CD2AP: variants seen among roughly 807,000 people sequenced by gnomAD.
The protein encoded by CD2AP is CD2-associated protein.
In CD2AP, 46 loss-of-function variants were observed where a neutral mutation model predicts 85.1. That is an observed-to-expected ratio of 0.54 (90% CI 0.43 to 0.69). The LOEUF (loss-of-function observed/expected upper bound fraction) is 0.69. CD2AP is among the 30% of genes least tolerant of loss of function. CD2AP has a pLI of 0.00. For missense variants in CD2AP, 769 were observed against 729.5 expected (o/e 1.05, Z -0.62); for synonymous variants, 255 against 252.9 (o/e 1.01, Z -0.08).
intron 13 of CD2AP, among the ~76,000 whole-genome samples, chr6:47,600,306 A>G (rs1031402356): frequency 7.2e-5 from 11 of 151,932 alleles, no homozygotes; most frequent in African/African-American, 2.4e-4. Flanking sequence ...TCTTTTAAGA[A>G]ATCTTAATAT....
intron 1 of CD2AP, among the ~76,000 whole-genome samples, chr6:47,480,637 A>G (rs941342546): frequency 6.6e-6 from 1 of 152,232 alleles, no homozygotes; most frequent in African/African-American, 2.4e-5. Flanking sequence ...GGAGGATTGA[A>G]TGAGTTACTA....
Position 47,478,178 on chromosome 6 carries a change from C to T in CD2AP, c.-67C>T. 6.5e-7 allele frequency: 1 copy of T among 1,548,284 alleles called. No homozygotes were observed. Among genetic ancestry groups the T allele is most frequent in the Non-Finnish European group, 8.7e-7 (1 of 1,145,562 alleles). ...CCGCCTCCAGCCGCGGGAGCGGCCG[C>T]GCGAGCCACCACTGGAGGAGGAGGA... On this transcript the variant is annotated 5_prime_UTR_variant, in exon 1 of 18. Coordinates refer to ENST00000359314, the MANE Select transcript of CD2AP (RefSeq NM_012120.3).
At chr6:47,492,347 CTT>C (rs70999626) in intron 1 of CD2AP, among the ~76,000 whole-genome samples, 27 of 95,508 alleles carry the variant, frequency 2.8e-4, no homozygotes, top group African/African-American at 9.0e-4. Context: ...CACCTGTAAT[CTT>C]TTTTTTTTTT....
chr6:47,505,384 T>G lies in CD2AP; in HGVS notation c.165+1944T>G, dbSNP rs554444308. On this transcript the variant is annotated intron_variant, in intron 2 of 17. Transcript: ENST00000359314. Reference sequence around the variant, plus strand: ...CAACAGGATCCCAAGACAGAGGAATTTTTCTTAGTGCAGAACAAAATGAAA... The same window carrying G: ...CAACAGGATCCCAAGACAGAGGAATGTTTCTTAGTGCAGAACAAAATGAAA... 2.0e-5 allele frequency among the ~76,000 whole-genome samples: 3 copies of G among 149,826 alleles called. No individual in the cohort carries two copies. The South Asian group carries it at 6.4e-4, about 32-fold the overall frequency.
At position 47,610,843 on chromosome 6, in the gene CD2AP, T is replaced by C. The variant is rs890844727; in HGVS notation, c.1814+1539T>C. Among the ~76,000 whole-genome samples, 6 of 150,938 alleles carry C rather than the reference T, an allele frequency of 4.0e-5. No individual in the cohort carries two copies. In the South Asian group the frequency reaches 1.2e-3, roughly 31 times the overall value. ...TGTACCAGTTAGAGAATTCTCCTGA[T>C]TCGATTTTGTTGTTTTACATTTTTT... On this transcript the variant is annotated intron_variant, in intron 16 of 17. Transcript: ENST00000359314.
chr6:47,595,981 C>T lies in CD2AP; in HGVS notation c.1229C>T (p.Pro410Leu), dbSNP rs994227233. The T allele has an allele frequency of 2.4e-5, 39 of 1,612,512 alleles. No homozygotes were observed. Among genetic ancestry groups the T allele is most frequent in the Admixed American group, 3.3e-5 (2 of 59,880 alleles). Residue 410 changes from proline (P) to leucine (L), a missense_variant, in exon 12 of 18, where the codon CCA (proline) becomes CTA (leucine). Pro to Leu is a moderately conservative substitution (Grantham distance 98). Transcript: ENST00000359314. ...CTGAGATCTTCTGGAACAGTGTACC[C>T]AAAGCGACCTGAAAAACCAGTTCCT... ...NLLRSSGTVY[P>L]KRPEKPVPPP...
At chr6:47,579,566 G>A (rs762662122) in intron 9 of CD2AP, 77 bp downstream of exon 9, 5 of 901,664 alleles carry the variant, frequency 5.5e-6, no homozygotes, top group Non-Finnish European at 9.1e-6. Flanking sequence ...AAGTTTTTTT[G>A]CATTATTATT....
At chr6:47,543,148 CAAAAAAAAA>C (rs11338409) in intron 3 of CD2AP, among the ~76,000 whole-genome samples, 1 of 60,322 alleles carries the variant, frequency 1.7e-5, no homozygotes, top group Non-Finnish European at 2.9e-5. Context: ...AAGACTGTCT[CAAAAAAAAA>C]AAAAAAAAAA....
chr6:47,505,678 C>T (rs1443659571), intron 2 of CD2AP, among the ~76,000 whole-genome samples: 1 of 69,618 alleles, frequency 1.4e-5, no homozygotes, highest in African/African-American at 4.6e-5. Context: ...GGGGGGCTGA[C>T]CCCCCCATCT....
chr6:47,610,740 C>G (rs1769405745), intron 16 of CD2AP, among the ~76,000 whole-genome samples: 1 of 151,232 alleles, frequency 6.6e-6, no homozygotes, highest in Non-Finnish European at 1.5e-5. Context: ...TTGAAAGATT[C>G]TTTTAGTAGA....
intron 1 of CD2AP, among the ~76,000 whole-genome samples, chr6:47,481,295 T>C (rs546968005): frequency 6.6e-6 from 1 of 152,336 alleles, no homozygotes; most frequent in African/African-American, 2.4e-5. Flanking sequence ...TTTAGTTTAT[T>C]TTATAGGCTC....
chr6:47,623,288 GT>G (rs1189980379), intron 17 of CD2AP, among the ~76,000 whole-genome samples: 1 of 152,200 alleles, frequency 6.6e-6, no homozygotes, highest in East Asian at 1.9e-4. Context: ...AGCATGTATT[GT>G]TTATGTGCAC....
At chr6:47,600,851 A>G (rs549225632) in intron 13 of CD2AP, among the ~76,000 whole-genome samples, 3 of 152,018 alleles carry the variant, frequency 2.0e-5, no homozygotes, top group South Asian at 2.1e-4. Context: ...TATTTGCCCA[A>G]TTTTAACTCT....
rs550136465 is a variant in CD2AP, at chr6:47,554,800, A to T, written c.541+34A>T. 38 of 1,546,988 alleles carry T rather than the reference A, an allele frequency of 2.5e-5. No individual in the cohort carries two copies. The African/African-American group carries it at 4.3e-4, about 17-fold the overall frequency. Reference sequence around the variant, plus strand: ...TTTTTTAAAATTTTTAATTGATTTAAATAAACTTTATATAGCATCTAGTGT... The same window carrying T: ...TTTTTTAAAATTTTTAATTGATTTATATAAACTTTATATAGCATCTAGTGT... On this transcript the variant is annotated intron_variant, in intron 5 of 17. Coordinates refer to ENST00000359314, the MANE Select transcript of CD2AP (RefSeq NM_012120.3).
At chr6:47,488,364 G>A (rs1194428157) in intron 1 of CD2AP, among the ~76,000 whole-genome samples, 1 of 152,076 alleles carries the variant, frequency 6.6e-6, no homozygotes, top group African/African-American at 2.4e-5. Flanking sequence ...TATACTTTGA[G>A]ACATACTGAG....
rs532160892 is a variant in CD2AP, at chr6:47,625,236, G to A, written c.*1009G>A. ...ACCCAAAGCTTTTCAGAACTTCAGTGTGAGGTTTCCTATTTTGACAAGTTA... is the reference window on the plus strand; with the variant it reads ...ACCCAAAGCTTTTCAGAACTTCAGTATGAGGTTTCCTATTTTGACAAGTTA... On this transcript the variant is annotated 3_prime_UTR_variant, in exon 18 of 18. Transcript: ENST00000359314. 62 of 152,020 alleles carry A rather than the reference G, an allele frequency of 4.1e-4. No individual in the cohort carries two copies. Among genetic ancestry groups the A allele is most frequent in the African/African-American group, 1.5e-3 (61 of 41,544 alleles). The allele number at this position is 152,020 out of a possible 1,614,324, so 9.4% of individuals were successfully genotyped here. A position where few individuals can be genotyped will look rare whatever the true frequency, so the allele number is the denominator to read the frequency against.
intron 16 of CD2AP, among the ~76,000 whole-genome samples, chr6:47,611,528 T>A (rs890562052): frequency 6.6e-6 from 1 of 151,920 alleles, no homozygotes; most frequent in African/African-American, 2.4e-5. Flanking sequence ...TAAGAAATTA[T>A]TGCCAAGAAG....
chr6:47,549,736 G>C (rs1183120555), intron 4 of CD2AP, among the ~76,000 whole-genome samples: 1 of 151,998 alleles, frequency 6.6e-6, no homozygotes, highest in Non-Finnish European at 1.5e-5. Flanking sequence ...GAACCAAAAA[G>C]AGCCTGCATA....
intron 12 of CD2AP, among the ~76,000 whole-genome samples, chr6:47,598,802 G>A (rs2114135567): frequency 6.6e-6 from 1 of 150,758 alleles, no homozygotes; most frequent in South Asian, 2.1e-4. Context: ...TGGGTACAGT[G>A]TGCACTGCTC....
Sources: gnomAD v4.1 joint callset for allele counts (sites outside exome capture counted in the v4.1 genomes callset) on GRCh38, gnomAD v4.1.1 for gene constraint, MANE v1.5 for transcripts, NCBI Gene and HGNC (gene_info 2026-07-23, HGNC 2026-07-21) for gene names.